Variants in SMOC2 observed in about 807,000 individuals in gnomAD.
SMOC2 encodes SPARC related modular calcium binding 2.
SMOC2 carries 39 observed loss-of-function variants against 61.4 expected under a neutral mutation model. The ratio of observed to expected loss-of-function variants is 0.64; its 90% CI spans 0.49 to 0.83. The LOEUF is 0.83. Ranked by LOEUF, SMOC2 falls within the 40% of genes least tolerant of loss-of-function variation. The probability of loss-of-function intolerance (pLI) is 0.00; values close to 1 mark genes in which losing one functional copy is unlikely to be tolerated. For missense variants in SMOC2, 556 were observed against 592.9 expected, an observed-to-expected ratio of 0.94 and a Z score of 0.65; for synonymous variants, 247 against 239.9, an observed-to-expected ratio of 1.03 and a Z score of -0.27.
In SMOC2 at chr6:168,608,170, A is replaced by G. The variant is rs772161332; in HGVS notation, c.838A>G (p.Lys280Glu). ...CCCCGCCCATAGGTACGAGCAGCCG[A>G]AATGTGACAACACGGCCAGGGCCCA... ...PGTSTRYEQP[K>E]CDNTARAHPA... The change falls in exon 9 of 13, where the codon AAA becomes GAA. Residue 280 changes from lysine (K) to glutamate (E), a missense_variant. Transcript: ENST00000356284. The G allele has an allele frequency of 2.5e-6, 4 of 1,613,798 alleles. No homozygotes were observed. Among genetic ancestry groups the G allele is most frequent in the Non-Finnish European group, 2.5e-6 (3 of 1,179,942 alleles).
At chr6:168,531,944 G>A (rs1034918436) in intron 4 of SMOC2, among the ~76,000 whole-genome samples, 1 of 152,172 alleles carries the variant, frequency 6.6e-6, no homozygotes, top group Non-Finnish European at 1.5e-5. Flanking sequence ...CAAGGGCTCT[G>A]GAGAGTGGGG....
At chr6:168,596,147 A>C (rs370554424) in intron 7 of SMOC2, among the ~76,000 whole-genome samples, 27 of 77,342 alleles carry the variant, frequency 3.5e-4, no homozygotes, top group African/African-American at 1.3e-3. Context: ...GCTGGAGAGG[A>C]ATGAACAGGT....
At chr6:168,518,567 ATG>A (rs909686445) in intron 2 of SMOC2, among the ~76,000 whole-genome samples, 11 of 142,062 alleles carry the variant, frequency 7.7e-5, no homozygotes, top group African/African-American at 2.4e-4. Context: ...GAGTGCATGT[ATG>A]TGACAATGCA....
At chr6:168,607,932 G>A (rs919801957) in intron 8 of SMOC2, among the ~76,000 whole-genome samples, 5 of 150,974 alleles carry the variant, frequency 3.3e-5, no homozygotes, top group African/African-American at 1.2e-4. Context: ...CTGTGTGATT[G>A]AAGTCACAGT....
intron 9 of SMOC2, among the ~76,000 whole-genome samples, chr6:168,636,736 G>A (rs560924076): frequency 1.3e-4 from 20 of 152,324 alleles, no homozygotes; most frequent in South Asian, 2.1e-4. Flanking sequence ...TGACTGCTGC[G>A]TGAGAACTGC....
rs529694771 is a variant in SMOC2, at chr6:168,558,851, G to A, written c.637+9648G>A. 1.0e-4 allele frequency among the ~76,000 whole-genome samples: 15 copies of A among 144,062 alleles called. No homozygotes were observed. In the South Asian group the frequency reaches 1.5e-3, roughly 15 times the overall value. 94.5% of individuals were successfully genotyped at this position (144,062 alleles called of 152,430 possible). On this transcript the variant is annotated intron_variant, in intron 7 of 12. Transcript: ENST00000356284. ...CATGTGTGTGCACGTGTGTATGTGC[G>A]CGTGTGCGCATGTGTGTGCATGTGT...
rs1037595444 is a variant in SMOC2 at position 168,453,097 on chromosome 6, C to T, written c.84+11643C>T. Among the ~76,000 whole-genome samples, 1 of 152,202 alleles carries T rather than the reference C, an allele frequency of 6.6e-6. No homozygotes were observed. The highest frequency in any genetic ancestry group is 1.5e-5 in the Non-Finnish European group (1 of 68,028). On this transcript the variant is annotated intron_variant, in intron 1 of 12. Coordinates refer to ENST00000356284, the MANE Select transcript of SMOC2 (RefSeq NM_001166412.2). This position sits in a 1 kb window ranked among gnomAD's most constrained non-coding sequence, Gnocchi z 4.4. ...GAGTCCCCAGGGCCTTGGCCGGACACTCAGGGCAATCTGCCCTGAGGAATT... is the reference window on the plus strand; with the variant it reads ...GAGTCCCCAGGGCCTTGGCCGGACATTCAGGGCAATCTGCCCTGAGGAATT...
rs146595116 is a variant in SMOC2, at chr6:168,580,046, G to A, written c.638-18772G>A. 6.8e-5 allele frequency among the ~76,000 whole-genome samples: 10 copies of A among 147,324 alleles called. No homozygotes were observed. In the East Asian group the frequency reaches 2.0e-3, roughly 30 times the overall value. On this transcript the variant is annotated intron_variant, in intron 7 of 12. Coordinates refer to ENST00000356284, the MANE Select transcript of SMOC2 (RefSeq NM_001166412.2). ...GACTTGGGAGGCATTCCCATCAGGG[G>A]CTCTGAGATGCGTTCCGAGATGGTC...
intron 1 of SMOC2, among the ~76,000 whole-genome samples, chr6:168,507,741 C>A (rs1421495291): frequency 3.9e-5 from 6 of 152,256 alleles, no homozygotes; most frequent in Non-Finnish European, 7.3e-5. Context: ...TTTGCAAAAC[C>A]CTGAAAGGCA....
At chr6:168,665,408 T>C (rs1787638552) in intron 12 of SMOC2, among the ~76,000 whole-genome samples, 1 of 152,246 alleles carries the variant, frequency 6.6e-6, no homozygotes, top group Admixed American at 6.5e-5. Flanking sequence ...GCCGTGGCCA[T>C]TGAAGGCCAC....
intron 7 of SMOC2, among the ~76,000 whole-genome samples, chr6:168,570,007 T>C (rs1314057545): frequency 2.0e-5 from 3 of 152,172 alleles, no homozygotes; most frequent in African/African-American, 4.8e-5. Flanking sequence ...AGCTCTGTGG[T>C]ATATTGGAGT....
At chr6:168,467,993 A>T (rs1241693106) in intron 1 of SMOC2, among the ~76,000 whole-genome samples, 1 of 152,252 alleles carries the variant, frequency 6.6e-6, no homozygotes, top group African/African-American at 2.4e-5. Flanking sequence ...AAATCTATCT[A>T]CATTTCTCAG....
At chr6:168,622,174 G>T (rs1473698443) in intron 9 of SMOC2, among the ~76,000 whole-genome samples, 1 of 152,048 alleles carries the variant, frequency 6.6e-6, no homozygotes, top group Non-Finnish European at 1.5e-5. Flanking sequence ...CACCGTGTTA[G>T]CCAGGATGGT....
rs1291851005 is a variant in SMOC2 at position 168,441,341 on chromosome 6, C to G, written c.-30C>G. 2.7e-6 allele frequency: 4 copies of G among 1,497,912 alleles called. No homozygotes were observed. Among genetic ancestry groups the G allele is most frequent in the South Asian group, 2.5e-5 (2 of 80,392 alleles). The allele number at this position is 1,497,912 out of a possible 1,614,324, so 92.8% of individuals were successfully genotyped here. A position where few individuals can be genotyped will look rare whatever the true frequency, so the allele number is the denominator to read the frequency against. On this transcript the variant is annotated 5_prime_UTR_variant, in exon 1 of 13. Transcript: ENST00000356284. ...GCAGTGCCAGGGCGCAGGACGCGGC[C>G]GATCTCCCGCTCCCGCCACCTCCGC...
At chr6:168,466,548 A>C (rs1781838390) in intron 1 of SMOC2, among the ~76,000 whole-genome samples, 1 of 152,232 alleles carries the variant, frequency 6.6e-6, no homozygotes, top group African/African-American at 2.4e-5. Context: ...TCAGGAGATG[A>C]GGAGGTCACT....
chr6:168,451,073 G>T (rs1468169720), intron 1 of SMOC2, among the ~76,000 whole-genome samples: 1 of 152,196 alleles, frequency 6.6e-6, no homozygotes, highest in Non-Finnish European at 1.5e-5. Flanking sequence ...AATGGGTGTG[G>T]CTAGAGCTCA....
intron 1 of SMOC2, among the ~76,000 whole-genome samples, chr6:168,441,937 C>T (rs970667997): frequency 6.6e-6 from 1 of 152,138 alleles, no homozygotes; most frequent in Non-Finnish European, 1.5e-5. Context: ...GCCCACCTCG[C>T]CCACGGGGAC....
chr6:168,585,474 T>C (rs2115165151), intron 7 of SMOC2, among the ~76,000 whole-genome samples: 1 of 152,358 alleles, frequency 6.6e-6, no homozygotes, highest in South Asian at 2.1e-4. Context: ...ATATTTTGTT[T>C]TTCTCTTTAG....
intron 9 of SMOC2, among the ~76,000 whole-genome samples, chr6:168,648,210 C>A (rs1787095415): frequency 6.6e-6 from 1 of 152,204 alleles, no homozygotes; most frequent in Admixed American, 6.5e-5. Flanking sequence ...ATCCATATTC[C>A]TCTCAGAATC....
Sources: gnomAD v4.1 joint callset for allele counts (sites outside exome capture counted in the v4.1 genomes callset) on GRCh38, gnomAD v4.1.1 for gene constraint, Gnocchi (gnomAD v3.1) non-coding constraint, MANE v1.5 for transcripts, NCBI Gene and HGNC (gene_info 2026-07-23, HGNC 2026-07-21) for gene names.